The following NPSR1 variants were observed in gnomAD, a reference collection of about 807,000 sequenced individuals.
NPSR1 encodes neuropeptide S receptor 1, also known as neuropeptide S receptor.
In NPSR1, 48 loss-of-function variants were observed where a neutral mutation model predicts 46.9. The ratio of observed to expected loss-of-function variants is 1.02; its 90% CI spans 0.81 to 1.30. The LOEUF is 1.30. NPSR1 is among the 50% of genes most tolerant of loss of function. The probability of loss-of-function intolerance (pLI) is 0.00; values close to 1 mark genes in which losing one functional copy is unlikely to be tolerated. For missense variants in NPSR1, 450 were observed against 449.5 expected (o/e 1.00, Z -0.01); for synonymous variants, 176 against 168.1 (o/e 1.05, Z -0.36).
At chr7:34,803,474 A>G (rs1788523720) in intron 3 of NPSR1, among the ~76,000 whole-genome samples, 1 of 152,090 alleles carries the variant, frequency 6.6e-6, no homozygotes, top group South Asian at 2.1e-4. Context: ...AGGACAAAAA[A>G]TCAAACACCG....
chr7:34,737,227 A>G (rs1482901282), intron 2 of NPSR1, among the ~76,000 whole-genome samples: 2 of 152,188 alleles, frequency 1.3e-5, no homozygotes, highest in Admixed American at 1.3e-4. Flanking sequence ...TGTTTTAGAC[A>G]CCACCACCTC....
intron 2 of NPSR1, among the ~76,000 whole-genome samples, chr7:34,756,577 G>A (rs1023092552): frequency 6.6e-6 from 1 of 152,136 alleles, no homozygotes; most frequent in African/African-American, 2.4e-5. Context: ...GAGCAAACAG[G>A]CATGGCTGTG....
At chr7:34,823,116 C>T (rs1473747154) in intron 4 of NPSR1, among the ~76,000 whole-genome samples, 7 of 152,082 alleles carry the variant, frequency 4.6e-5, no homozygotes, top group African/African-American at 7.2e-5. Flanking sequence ...TGAGACCAGG[C>T]GCTGTGGCCC....
intron 4 of NPSR1, among the ~76,000 whole-genome samples, chr7:34,824,197 T>C (rs1789716699): frequency 6.6e-6 from 1 of 152,260 alleles, no homozygotes; most frequent in Non-Finnish European, 1.5e-5. Context: ...TGGATTTTTT[T>C]CCTTTTCGCT....
At chr7:34,674,871 C>G (rs911917319) in intron 1 of NPSR1, among the ~76,000 whole-genome samples, 2 of 152,140 alleles carry the variant, frequency 1.3e-5, no homozygotes, top group African/African-American at 4.8e-5. Context: ...TGAATCCAAC[C>G]CAGCCCCAGA....
chr7:34,766,697 C>T (rs1024657265), intron 2 of NPSR1, among the ~76,000 whole-genome samples: 18 of 151,900 alleles, frequency 1.2e-4, no homozygotes, highest in African/African-American at 4.4e-4. Flanking sequence ...CTCAGCCTCC[C>T]GAGTAGCTGG....
chr7:34,671,065 A>G (rs1792026481), intron 1 of NPSR1, among the ~76,000 whole-genome samples: 1 of 152,196 alleles, frequency 6.6e-6, no homozygotes, highest in African/African-American at 2.4e-5. Flanking sequence ...GTTTTATTAA[A>G]AAGTAAGTTT....
At chr7:34,761,449 A>G (rs1049192735) in intron 2 of NPSR1, among the ~76,000 whole-genome samples, 1 of 152,244 alleles carries the variant, frequency 6.6e-6, no homozygotes, top group Non-Finnish European at 1.5e-5. Flanking sequence ...ACAGCTGGAC[A>G]GCAAGGTCTT....
In NPSR1 at chr7:34,752,835, G is replaced by C. The variant is rs111937629; in HGVS notation, c.281-25627G>C. ...TCTCTCACCTGATCTCTCCAGCAAA[G>C]CACTACTCATTCCTCAAGACACAAA... is the stretch of plus-strand genomic sequence containing the variant. On this transcript the variant is annotated intron_variant, in intron 2 of 8. Coordinates refer to ENST00000360581, the MANE Select transcript of NPSR1 (RefSeq NM_207172.2). 8.9e-3 allele frequency among the ~76,000 whole-genome samples: 1,351 copies of C among 152,230 alleles called. 9 individuals carry two copies. The highest frequency in any genetic ancestry group is 0.048 in the Middle Eastern group (14 of 294).
At chr7:34,703,915 GAA>G (rs1793976258) in intron 2 of NPSR1, 1 of 152,170 alleles carries the variant, frequency 6.6e-6, no homozygotes, top group South Asian at 2.1e-4. Flanking sequence ...AGAAAAGAAA[GAA>G]AACATATTTT....
chr7:34,735,948 T>C (rs1432926277), intron 2 of NPSR1, among the ~76,000 whole-genome samples: 1 of 152,182 alleles, frequency 6.6e-6, no homozygotes, highest in African/African-American at 2.4e-5. Flanking sequence ...TAGAAAATTA[T>C]ATATGCACCA....
chr7:34,698,962 A>T (rs1265162972), intron 2 of NPSR1, among the ~76,000 whole-genome samples: 3 of 152,226 alleles, frequency 2.0e-5, no homozygotes, highest in Admixed American at 2.0e-4. Flanking sequence ...AGTGTAACCC[A>T]TATAACCCGA....
intron 3 of NPSR1, among the ~76,000 whole-genome samples, chr7:34,797,529 A>G (rs972387899): frequency 1.3e-5 from 2 of 152,234 alleles, no homozygotes; most frequent in African/African-American, 4.8e-5. Context: ...TAGAATTCCC[A>G]AGAACTGTGG....
At chr7:34,762,779 C>A (rs324960) in intron 2 of NPSR1, among the ~76,000 whole-genome samples, 2 of 151,864 alleles carry the variant, frequency 1.3e-5, no homozygotes, top group Non-Finnish European at 2.9e-5. Flanking sequence ...GATAAAAGGA[C>A]CTTATATTAT....
chr7:34,684,454 T>C (rs1451928018), intron 1 of NPSR1, 98 bp from the exon 2 acceptor site: 4 of 1,172,290 alleles, frequency 3.4e-6, no homozygotes, highest in African/African-American at 1.6e-5. Flanking sequence ...AGTAGGGATA[T>C]GTGGCTAGGA....
At chr7:34,790,986 T>G (rs1238742225) in intron 3 of NPSR1, among the ~76,000 whole-genome samples, 2 of 110,394 alleles carry the variant, frequency 1.8e-5, no homozygotes, top group African/African-American at 3.3e-5. Flanking sequence ...ATATGTTATA[T>G]TATATATGTT....
At chr7:34,850,684 G>A (rs558325041), downstream of NPSR1, among the ~76,000 whole-genome samples, 1 of 152,314 alleles carries the variant, frequency 6.6e-6, no homozygotes, top group African/African-American at 2.4e-5. Context: ...ACAGGCATGA[G>A]CCACCGCGCC....
intron 2 of NPSR1, among the ~76,000 whole-genome samples, chr7:34,734,773 T>C (rs1338594369): frequency 6.6e-6 from 1 of 152,238 alleles, no homozygotes; most frequent in Non-Finnish European, 1.5e-5. Context: ...CAGAGGACAG[T>C]GTTTCTCAAG....
chr7:34,752,868 A>G (rs1221532793), intron 2 of NPSR1, among the ~76,000 whole-genome samples: 2 of 152,210 alleles, frequency 1.3e-5, no homozygotes, highest in Admixed American at 1.3e-4. Flanking sequence ...AAAGCTGAAC[A>G]GGCACTCTGT....
Sources: allele counts gnomAD v4.1 joint callset (sites outside exome capture counted in the v4.1 genomes callset), GRCh38; gene constraint gnomAD v4.1.1; transcripts MANE v1.5; gene names NCBI Gene and HGNC (gene_info 2026-07-23, HGNC 2026-07-21).